Variants in TMEFF1 observed in about 807,000 individuals in gnomAD.
The protein encoded by TMEFF1 is tomoregulin-1.
In TMEFF1, 20 loss-of-function variants were observed where a neutral mutation model predicts 47.5. That is an observed-to-expected ratio of 0.42 (90% CI 0.30 to 0.61). The LOEUF is 0.61. TMEFF1 is among the 20% of genes least tolerant of loss of function. The pLI, the probability that TMEFF1 is intolerant of heterozygous loss-of-function variation, is 0.19. For synonymous variants in TMEFF1, 162 were observed against 166.3 expected (o/e 0.97, Z 0.20); for missense variants, 411 against 471.1 (o/e 0.87, Z 1.18).
At chr9:100,476,096 T>G (rs1041811595) in intron 1 of TMEFF1, among the ~76,000 whole-genome samples, 1 of 152,158 alleles carries the variant, frequency 6.6e-6, no homozygotes, top group African/African-American at 2.4e-5. Flanking sequence ...ATCACTGATA[T>G]AAATGTCAAT....
chr9:100,499,601 G>A (rs1341679775), intron 2 of TMEFF1, among the ~76,000 whole-genome samples: 1 of 152,098 alleles, frequency 6.6e-6, no homozygotes, highest in Non-Finnish European at 1.5e-5. Context: ...GTTTTGAGGG[G>A]AAGAAAGGGC....
intron 1 of TMEFF1, among the ~76,000 whole-genome samples, chr9:100,487,766 C>T: frequency 7.1e-6 from 1 of 140,360 alleles, no homozygotes; most frequent in Non-Finnish European, 1.5e-5. Flanking sequence ...GATTATTATA[C>T]TCCTTTTTTT....
intron 2 of TMEFF1, among the ~76,000 whole-genome samples, chr9:100,505,351 G>A (rs150083105): frequency 8.2e-6 from 1 of 122,354 alleles, no homozygotes; most frequent in African/African-American, 3.1e-5. Context: ...GGCGGAGATA[G>A]CAGTGAGCCT....
At chr9:100,510,885 A>G (rs73495713) in intron 3 of TMEFF1, among the ~76,000 whole-genome samples, 4,926 of 151,920 alleles carry the variant, frequency 0.032, 268 homozygotes, top group African/African-American at 0.11. Flanking sequence ...CCCCTACTCT[A>G]CTCTTCATGA....
At chr9:100,533,974 T>A (rs1249816602) in intron 5 of TMEFF1, among the ~76,000 whole-genome samples, 3 of 152,026 alleles carry the variant, frequency 2.0e-5, no homozygotes, top group Non-Finnish European at 4.4e-5. Flanking sequence ...ACCTCGACCT[T>A]CTAAAGTGCT....
chr9:100,549,439 C>T (rs952159751), intron 6 of TMEFF1, among the ~76,000 whole-genome samples: 2 of 152,158 alleles, frequency 1.3e-5, no homozygotes, highest in African/African-American at 4.8e-5. Context: ...GGACACAGAA[C>T]CAAACCATAT....
intron 5 of TMEFF1, among the ~76,000 whole-genome samples, chr9:100,546,488 A>G (rs748230108): frequency 3.3e-5 from 5 of 150,276 alleles, no homozygotes; most frequent in Non-Finnish European, 5.9e-5. Context: ...ACTATTCAAG[A>G]TGAGATTTGG....
At chr9:100,566,879 AT>A (rs1259223341) in intron 8 of TMEFF1, among the ~76,000 whole-genome samples, 2 of 151,644 alleles carry the variant, frequency 1.3e-5, no homozygotes, top group Admixed American at 1.3e-4. Flanking sequence ...TATTTTTTGT[AT>A]TTTTAGTAGA....
chr9:100,574,433 G>A (rs1039385005), intron 9 of TMEFF1, among the ~76,000 whole-genome samples: 7 of 152,176 alleles, frequency 4.6e-5, no homozygotes, highest in African/African-American at 1.2e-4. Flanking sequence ...CATTCAGGCT[G>A]GAGTGCAGTG....
intron 8 of TMEFF1, among the ~76,000 whole-genome samples, chr9:100,568,693 A>G (rs1180819258): frequency 1.3e-5 from 2 of 151,978 alleles, no homozygotes; most frequent in Non-Finnish European, 2.9e-5. Flanking sequence ...CCTCAAGAGG[A>G]CACCTCATAC....
chr9:100,524,184 C>A (rs976331444), intron 5 of TMEFF1, among the ~76,000 whole-genome samples: 1 of 151,940 alleles, frequency 6.6e-6, no homozygotes, highest in Admixed American at 6.6e-5. Flanking sequence ...ACACTATACC[C>A]GTAGTTCTGT....
At chr9:100,533,463 T>G (rs1475043500) in intron 5 of TMEFF1, among the ~76,000 whole-genome samples, 1 of 152,172 alleles carries the variant, frequency 6.6e-6, no homozygotes, top group African/African-American at 2.4e-5. Context: ...TAATCCCTGT[T>G]GAAGTTTTAG....
chr9:100,494,206 C>CAAAAA (rs543991655), intron 1 of TMEFF1, among the ~76,000 whole-genome samples: 51 of 54,140 alleles, frequency 9.4e-4, no homozygotes, highest in Non-Finnish European at 1.6e-3. Context: ...GACCTTGTCT[C>CAAAAA]AAAAAAAAAA....
intron 5 of TMEFF1, among the ~76,000 whole-genome samples, chr9:100,545,150 C>T (rs912939305): frequency 3.3e-5 from 5 of 152,198 alleles, no homozygotes; most frequent in African/African-American, 7.2e-5. Flanking sequence ...CTCCACTAGG[C>T]GACGCCTCAG....
rs1422297278 is a variant in TMEFF1 at position 100,577,117 on chromosome 9, A to T, written c.*517A>T. On this transcript the variant is annotated 3_prime_UTR_variant, in exon 10 of 10. Coordinates refer to ENST00000374879, the MANE Select transcript of TMEFF1 (RefSeq NM_003692.5). Reference sequence around the variant, plus strand: ...GTATTAGGTGTAAAATATTTATAAGATATATGGACTGGGGAATTTGATTAT... The same window carrying T: ...GTATTAGGTGTAAAATATTTATAAGTTATATGGACTGGGGAATTTGATTAT... 6.5e-6 allele frequency: 1 copy of T among 152,676 alleles called. No homozygotes were observed. The highest frequency in any genetic ancestry group is 1.5e-5 in the Non-Finnish European group (1 of 68,072). The allele number at this position is 152,676 out of a possible 1,614,324, so 9.5% of individuals were successfully genotyped here.
At chr9:100,510,180 A>G (rs1837936262) in intron 3 of TMEFF1, among the ~76,000 whole-genome samples, 1 of 152,238 alleles carries the variant, frequency 6.6e-6, no homozygotes, top group Non-Finnish European at 1.5e-5. Flanking sequence ...CACTTCTGAC[A>G]CCAGCTGAGA....
At chr9:100,565,864 T>C (rs1037614937) in intron 8 of TMEFF1, among the ~76,000 whole-genome samples, 4 of 152,198 alleles carry the variant, frequency 2.6e-5, no homozygotes, top group Admixed American at 1.3e-4. Flanking sequence ...GTCCTGTTTG[T>C]TTCCTTTCCT....
chr9:100,576,632 T>A lies in TMEFF1; in HGVS notation c.*32T>A, dbSNP rs766839400. 1 of 1,563,248 alleles carries A rather than the reference T, an allele frequency of 6.4e-7. No individual in the cohort carries two copies. The highest frequency in any genetic ancestry group is 1.4e-5 in the African/African-American group (1 of 72,326). ...GACTTTTATATGTACACTGACCATG[T>A]GATGTACATTTATTATGTCTTTTTT... On this transcript the variant is annotated 3_prime_UTR_variant, in exon 10 of 10. Coordinates refer to ENST00000374879, the MANE Select transcript of TMEFF1 (RefSeq NM_003692.5).
intron 5 of TMEFF1, among the ~76,000 whole-genome samples, chr9:100,524,286 A>C (rs184216761): frequency 2.0e-5 from 3 of 152,354 alleles, no homozygotes; most frequent in Admixed American, 6.5e-5. Context: ...GTTAAAAACT[A>C]CCTATGTACC....
Sources: allele counts gnomAD v4.1 joint callset (sites outside exome capture counted in the v4.1 genomes callset), GRCh38; gene constraint gnomAD v4.1.1; transcripts MANE v1.5; gene names NCBI Gene and HGNC (gene_info 2026-07-23, HGNC 2026-07-21).